SLC71A1: variants seen among roughly 807,000 people sequenced by gnomAD.
SLC71A1 encodes the protein solute carrier family 71 member 1.
chr1:100,049,863 T>C, the SLC71A1 span: 1 of 900,618 alleles, frequency 1.1e-6, no homozygotes, highest in Non-Finnish European at 1.8e-6. Flanking sequence ...TTATAGAATG[T>C]ACTGTTAACT....
chr1:100,038,141 T>C, the SLC71A1 span: 2 of 1,171,856 alleles, frequency 1.7e-6, no homozygotes, highest in Non-Finnish European at 2.5e-6. Flanking sequence ...CCAGAGCGGC[T>C]CGGCCCGGCA....
At chr1:100,059,495 C>T in the SLC71A1 span, among the ~76,000 whole-genome samples, 5 of 150,910 alleles carry the variant, frequency 3.3e-5, no homozygotes, top group South Asian at 2.1e-4. Flanking sequence ...AACAAGTTTT[C>T]GAAATAGGTA....
the SLC71A1 span, among the ~76,000 whole-genome samples, chr1:100,064,517 T>G: frequency 6.6e-6 from 1 of 152,206 alleles, no homozygotes; most frequent in Admixed American, 6.5e-5. Flanking sequence ...CCCTCAGCCC[T>G]GTTTGCCATC....
At chr1:100,056,770 G>A in the SLC71A1 span, among the ~76,000 whole-genome samples, 1 of 152,140 alleles carries the variant, frequency 6.6e-6, no homozygotes, top group African/African-American at 2.4e-5. Context: ...CCTTCCAACT[G>A]TTTTCCTTAG....
the SLC71A1 span, chr1:100,082,129 T>C: frequency 1.2e-6 from 2 of 1,614,180 alleles, no homozygotes; most frequent in South Asian, 1.1e-5. Flanking sequence ...GAGAAAGCAC[T>C]GTGGCAGTCA....
chr1:100,050,865 C>T, the SLC71A1 span, among the ~76,000 whole-genome samples: 4 of 151,818 alleles, frequency 2.6e-5, no homozygotes, highest in South Asian at 2.1e-4. Context: ...GTGGGCAGAT[C>T]GCTTGAGCTC....
the SLC71A1 span, among the ~76,000 whole-genome samples, chr1:100,038,584 C>T: frequency 6.6e-6 from 1 of 152,178 alleles, no homozygotes; most frequent in Non-Finnish European, 1.5e-5. Flanking sequence ...GGCCCTGCGG[C>T]CTCGAACCCC....
At chr1:100,053,852 A>G in the SLC71A1 span, among the ~76,000 whole-genome samples, 1 of 152,166 alleles carries the variant, frequency 6.6e-6, no homozygotes, top group Non-Finnish European at 1.5e-5. Context: ...ACTGACAAAT[A>G]TTTTTAAAGA....
chr1:100,064,788 A>G, the SLC71A1 span, among the ~76,000 whole-genome samples: 5 of 147,904 alleles, frequency 3.4e-5, no homozygotes, highest in African/African-American at 1.3e-4. Context: ...CAGTGGCATG[A>G]TCATGGCTCA....
chr1:100,056,168 C>G, the SLC71A1 span, among the ~76,000 whole-genome samples: 1 of 152,166 alleles, frequency 6.6e-6, no homozygotes, highest in African/African-American at 2.4e-5. Context: ...TCCTCTCTCC[C>G]ACTACCCTTC....
chr1:100,058,572 T>A, the SLC71A1 span: 2 of 704,608 alleles, frequency 2.8e-6, no homozygotes, highest in African/African-American at 1.8e-5. Flanking sequence ...TAAATCAGAT[T>A]GTAGTATGAA....
the SLC71A1 span, chr1:100,067,924 G>A: frequency 2.1e-6 from 3 of 1,395,458 alleles, no homozygotes; most frequent in East Asian, 4.6e-5. Flanking sequence ...GTTATGTGGT[G>A]TTGAGGAAAA....
the SLC71A1 span, among the ~76,000 whole-genome samples, chr1:100,066,003 C>T: frequency 6.6e-6 from 1 of 152,112 alleles, no homozygotes; most frequent in African/African-American, 2.4e-5. Context: ...GTGTTTCCTG[C>T]TGTCACATCT....
the SLC71A1 span, among the ~76,000 whole-genome samples, chr1:100,051,954 A>G: frequency 6.6e-6 from 1 of 152,194 alleles, no homozygotes; most frequent in Non-Finnish European, 1.5e-5. Flanking sequence ...AATACAGATG[A>G]GGAAACCGGG....
the SLC71A1 span, among the ~76,000 whole-genome samples, chr1:100,067,285 C>G: frequency 6.6e-6 from 1 of 152,078 alleles, no homozygotes; most frequent in Non-Finnish European, 1.5e-5. Flanking sequence ...ACTCTGTCAC[C>G]CTGGCTGGAG....
chr1:100,051,336 A>C, the SLC71A1 span, among the ~76,000 whole-genome samples: 5 of 152,128 alleles, frequency 3.3e-5, no homozygotes, highest in Non-Finnish European at 2.9e-5. Flanking sequence ...GGTTGCAGTG[A>C]GCCGAGACTG....
the SLC71A1 span, chr1:100,083,335 T>C: frequency 6.6e-6 from 1 of 152,566 alleles, no homozygotes. Context: ...GTAAATATTC[T>C]GTTAATAAAG....
the SLC71A1 span, among the ~76,000 whole-genome samples, chr1:100,075,953 C>T: frequency 2.0e-5 from 3 of 152,178 alleles, no homozygotes; most frequent in African/African-American, 7.2e-5. Flanking sequence ...GCTGGGATTA[C>T]AGATATGAGT....
chr1:100,040,660 C>G, the SLC71A1 span, among the ~76,000 whole-genome samples: 2 of 152,158 alleles, frequency 1.3e-5, no homozygotes, highest in African/African-American at 4.8e-5. Context: ...CAAAGTTTCA[C>G]CATATTGGTC....
Sources: gnomAD v4.1 joint callset for allele counts (sites outside exome capture counted in the v4.1 genomes callset) on GRCh38, gnomAD v4.1.1 for gene constraint, MANE v1.5 for transcripts, NCBI Gene and HGNC (gene_info 2026-07-23, HGNC 2026-07-21) for gene names.